YLPM1: variants seen among roughly 807,000 people sequenced by gnomAD.
YLPM1 encodes YLP motif containing 1.
A neutral mutation model predicts 230.0 loss-of-function variants in YLPM1; 99 were observed. The ratio of observed to expected loss-of-function variants is 0.43; its 90% CI spans 0.37 to 0.51. The LOEUF (loss-of-function observed/expected upper bound fraction) is 0.51, where lower values mean the gene tolerates loss of function less well. Among genes scored for constraint, YLPM1 ranks in the 20% least tolerant of loss-of-function variants. The pLI, the probability that YLPM1 is intolerant of heterozygous loss-of-function variation, is 0.00. For synonymous variants in YLPM1, 984 were observed against 942.5 expected, an observed-to-expected ratio of 1.04 and a Z score of -0.81; for missense variants, 2,592 against 2,707.7, an observed-to-expected ratio of 0.96 and a Z score of 0.95.
Position 74,798,841 on chromosome 14 carries a change from C to G in YLPM1, c.3544C>G (p.Pro1182Ala), listed in dbSNP as rs2091292780. ...EPGDGGEKMY[P>A]YHRDEPPRAP... ...AGGAGATGGTGGGGAAAAAATGTAT[C>G]CATATCACCGGGATGAGCCTCCTAG... Residue 1182 changes from proline (P) to alanine (A), a missense_variant, in exon 5 of 21, where the codon CCA becomes GCA. Physicochemically the swap from Pro to Ala is conservative, Grantham distance 27. Around this residue, in one of 4 missense-constraint regions of YLPM1, gnomAD observed 1,862 missense variants for 1,819.8 expected, o/e 1.02. Transcript: ENST00000325680. 1.2e-6 allele frequency: 2 copies of G among 1,613,744 alleles called. No individual in the cohort carries two copies. The highest frequency in any genetic ancestry group is 1.3e-5 in the African/African-American group (1 of 74,872).
In YLPM1 at chr14:74,835,957, C is replaced by T. The variant is rs2091640646; in HGVS notation, c.*219C>T. 2.2e-6 allele frequency: 1 copy of T among 449,564 alleles called. No homozygotes were observed. The highest frequency in any genetic ancestry group is 2.0e-5 in the African/African-American group (1 of 49,378). 27.8% of individuals were successfully genotyped at this position (449,564 alleles called of 1,614,324 possible). A position where few individuals can be genotyped will look rare whatever the true frequency, so the allele number is the denominator to read the frequency against. ...AGCAAGACGTTAATTTTTCTTTTAA[C>T]TGTTTTGGGGAGGGAGGGAGTGATA... On this transcript the variant is annotated 3_prime_UTR_variant, in exon 21 of 21. Coordinates refer to ENST00000325680, the MANE Select transcript of YLPM1 (RefSeq NM_019589.3).
chr14:74,778,016 A>G (rs1566740245), intron 1 of YLPM1, among the ~76,000 whole-genome samples: 1 of 151,930 alleles, frequency 6.6e-6, no homozygotes, highest in African/African-American at 2.4e-5. Context: ...CTTGAGGAGA[A>G]AGAGAGAAGG....
rs2091303158 is a variant in YLPM1 at position 74,799,432 on chromosome 14, AGAG to A, written c.4139_4141del (p.Gly1380del). 1 of 1,613,908 alleles carries A rather than the reference AGAG, an allele frequency of 6.2e-7. No homozygotes were observed. The highest frequency in any genetic ancestry group is 1.7e-5 in the Admixed American group (1 of 59,996). On this transcript the variant is annotated inframe_deletion, in exon 5 of 21. Transcript: ENST00000325680. ...GTTGAGGATTCGAGAGTATCCAGAA[AGAG>A]GAGATACATGGCGGGAAAAGCGAGA...
Position 74,764,039 on chromosome 14 carries a change from C to T in YLPM1, c.550C>T (p.Leu184=). 6.2e-7 allele frequency: 1 copy of T among 1,612,310 alleles called. No homozygotes were observed. Among genetic ancestry groups the T allele is most frequent in the Middle Eastern group, 1.7e-4 (1 of 6,060 alleles). The part of the protein sequence containing the change: ...YYPPTSSQPY[L]PPAQPSPSQS... ...CCCCCCGACCTCATCTCAGCCCTACCTGCCTCCTGCTCAGCCGTCCCCTTC... is the reference window on the plus strand; with the variant it reads ...CCCCCCGACCTCATCTCAGCCCTACTTGCCTCCTGCTCAGCCGTCCCCTTC... Residue 184 remains leucine, a synonymous_variant, in exon 1 of 21, where the codon CTG becomes TTG. Coordinates refer to ENST00000325680, the MANE Select transcript of YLPM1 (RefSeq NM_019589.3).
chr14:74,804,247 A>T (rs1477162341), intron 6 of YLPM1, among the ~76,000 whole-genome samples: 1 of 152,226 alleles, frequency 6.6e-6, no homozygotes, highest in Non-Finnish European at 1.5e-5. Context: ...ACTCCACTTC[A>T]GGCAGCGTCG....
intron 19 of YLPM1, chr14:74,834,786 G>A (rs2091631868): frequency 1.3e-5 from 2 of 156,984 alleles, no homozygotes; most frequent in Admixed American, 6.1e-5. Flanking sequence ...GCAGGAAAGT[G>A]TAGTTGGGGC....
At chr14:74,821,250 A>G (rs933274979) in intron 17 of YLPM1, 113 bp downstream of exon 17, 3 of 1,360,476 alleles carry the variant, frequency 2.2e-6, no homozygotes, top group Non-Finnish European at 2.9e-6. Context: ...TTTAGTGGTA[A>G]AAGTTTCCAT....
At chr14:74,765,040 T>A (rs1026736561) in intron 1 of YLPM1, among the ~76,000 whole-genome samples, 4 of 152,206 alleles carry the variant, frequency 2.6e-5, no homozygotes, top group Non-Finnish European at 5.9e-5. Context: ...ATGAGCAATT[T>A]TCTGCGTTTC....
At position 74,782,280 on chromosome 14, in the gene YLPM1, C is replaced by G. The variant is rs1364068152; in HGVS notation, c.2237C>G (p.Pro746Arg). ...DMPVRSGGLL[P>R]DPPRSSYLES... The stretch of plus-strand genomic sequence containing the variant: ...CCAGTGAGATCAGGTGGCCTGCTTC[C>G]AGATCCTCCTAGAAGTAGTTACTTG... Residue 746 changes from proline to arginine, a missense_variant, in exon 4 of 21, where the codon CCA (proline) becomes CGA (arginine). Physicochemically the swap from Pro to Arg is moderately radical, Grantham distance 103. Transcript: ENST00000325680. 1 of 1,569,120 alleles carries G rather than the reference C, an allele frequency of 6.4e-7. No individual in the cohort carries two copies. Among genetic ancestry groups the G allele is most frequent in the African/African-American group, 1.4e-5 (1 of 73,842 alleles).
At chr14:74,827,774 G>T (rs559885948) in intron 18 of YLPM1, 2 of 985,124 alleles carry the variant, frequency 2.0e-6, no homozygotes, top group Non-Finnish European at 2.4e-6. Context: ...ATTGTTTGTG[G>T]GACTTCGTTG....
In YLPM1 at chr14:74,809,722, C is replaced by T. The variant is rs2091415557; in HGVS notation, c.4864C>T (p.Pro1622Ser). The stretch of plus-strand genomic sequence containing the variant: ...TCACTCTTCCATTCCCCCTCCTGGC[C>T]CAGTGCCTATGGGTATGCCACCAAT... ...PVHSSIPPPG[P>S]VPMGMPPMSK... is the part of the protein sequence containing the mutation. Residue 1622 changes from proline (P) to serine (S), a missense_variant, in exon 7 of 21, where the codon CCA becomes TCA. Pro to Ser is a moderately conservative substitution (Grantham distance 74). Coordinates refer to ENST00000325680, the MANE Select transcript of YLPM1 (RefSeq NM_019589.3). The T allele has an allele frequency of 6.2e-7, 1 of 1,613,936 alleles. No homozygotes were observed. Among genetic ancestry groups the T allele is most frequent in the African/African-American group, 1.3e-5 (1 of 74,938 alleles).
intron 1 of YLPM1, among the ~76,000 whole-genome samples, chr14:74,778,061 A>G (rs2091059323): frequency 6.6e-6 from 1 of 152,186 alleles, no homozygotes; most frequent in South Asian, 2.1e-4. Context: ...AGTTATATTC[A>G]TTAATTACAA....
In YLPM1 at chr14:74,764,274, A is replaced by C. The variant is rs1193901306; in HGVS notation, c.785A>C (p.Gln262Pro). 1 of 1,613,854 alleles carries C rather than the reference A, an allele frequency of 6.2e-7. No homozygotes were observed. Among genetic ancestry groups the C allele is most frequent in the South Asian group, 1.1e-5 (1 of 91,076 alleles). The change falls in exon 1 of 21, where the codon CAA (glutamine) becomes CCA (proline). Residue 262 changes from glutamine (Q) to proline (P), a missense_variant. Physicochemically the swap from Gln to Pro is moderately conservative, Grantham distance 76. Coordinates refer to ENST00000325680, the MANE Select transcript of YLPM1 (RefSeq NM_019589.3). ...CCTGGAAATAAGACAACTGTCCAGC[A>C]AGAGCCTTTGGAGAGTGGGGCCAAA... ...APPGNKTTVQ[Q>P]EPLESGAKNK...
intron 17 of YLPM1, chr14:74,823,939 C>G: frequency 4.5e-6 from 1 of 223,756 alleles, no homozygotes; most frequent in Non-Finnish European, 8.8e-6. Flanking sequence ...ACAGTAACTA[C>G]CTGTACATTC....
At chr14:74,808,480 C>T (rs137951804) in intron 6 of YLPM1, among the ~76,000 whole-genome samples, 14 of 151,992 alleles carry the variant, frequency 9.2e-5, no homozygotes, top group African/African-American at 2.9e-4. Flanking sequence ...GGATAGATAC[C>T]GAGAAATGAA....
intron 1 of YLPM1, among the ~76,000 whole-genome samples, chr14:74,771,226 A>G (rs1323672872): frequency 6.6e-6 from 1 of 152,172 alleles, no homozygotes; most frequent in African/African-American, 2.4e-5. Flanking sequence ...GTCCACTTGG[A>G]AGTTAGATAT....
At chr14:74,800,171 T>C (rs2091311424) in intron 5 of YLPM1, among the ~76,000 whole-genome samples, 1 of 152,262 alleles carries the variant, frequency 6.6e-6, no homozygotes, top group Admixed American at 6.5e-5. Flanking sequence ...TCCTCAGATT[T>C]GTCTTAACTA....
Position 74,763,322 on chromosome 14 carries a change from G to C in YLPM1, c.-168G>C, listed in dbSNP as rs900271601. ...GCCCAAGTCGCGTCCCCGCCTTCCCGGTCGCGGGCCCAGCTCGGGAGCGCC... is the reference window on the plus strand; with the variant it reads ...GCCCAAGTCGCGTCCCCGCCTTCCCCGTCGCGGGCCCAGCTCGGGAGCGCC... On this transcript the variant is annotated 5_prime_UTR_variant, in exon 1 of 21. Coordinates refer to ENST00000325680, the MANE Select transcript of YLPM1 (RefSeq NM_019589.3). The C allele has an allele frequency of 1.2e-5, 9 of 725,646 alleles. No individual in the cohort carries two copies. Among genetic ancestry groups the C allele is most frequent in the Non-Finnish European group, 1.4e-5 (7 of 506,414 alleles). 45.0% of individuals were successfully genotyped at this position (725,646 alleles called of 1,614,324 possible). A position where few individuals can be genotyped will look rare whatever the true frequency, so the allele number is the denominator to read the frequency against.
chr14:74,831,878 G>T (rs2091610755), intron 19 of YLPM1, among the ~76,000 whole-genome samples: 1 of 152,162 alleles, frequency 6.6e-6, no homozygotes. Flanking sequence ...TGTAGAGTTG[G>T]TTATATTAGA....
Sources: allele counts gnomAD v4.1 joint callset (sites outside exome capture counted in the v4.1 genomes callset), GRCh38; gene constraint gnomAD v4.1.1; regional missense constraint gnomAD v4.1.1; transcripts MANE v1.5; gene names NCBI Gene and HGNC (gene_info 2026-07-23, HGNC 2026-07-21).